CSF1: variants seen among roughly 807,000 people sequenced by gnomAD.
CSF1 encodes colony stimulating factor 1.
A neutral mutation model predicts 48.9 loss-of-function variants in CSF1; 9 were observed. The observed-to-expected ratio is 0.18, with a 90% CI of 0.11 to 0.32. CSF1 has a LOEUF of 0.32. Ranked by LOEUF, CSF1 falls within the 10% of genes least tolerant of loss-of-function variation. The pLI is 1.00. For synonymous variants in CSF1, 305 were observed against 284.1 expected (o/e 1.07, Z -0.74); for missense variants, 672 against 697.9 (o/e 0.96, Z 0.42).
In CSF1 at chr1:109,911,682, C is replaced by T. The variant is rs576204400; in HGVS notation, c.39+620C>T. The stretch of plus-strand genomic sequence containing the variant: ...CGGCAACAGCCGGCAAACAGCCCCC[C>T]ACCCCCGGGGCTGCTTGGGGCTAGC... On this transcript the variant is annotated intron_variant, in intron 1 of 8. Transcript: ENST00000329608. Among the ~76,000 whole-genome samples, 6 of 152,328 alleles carry T rather than the reference C, an allele frequency of 3.9e-5. No homozygotes were observed. In the South Asian group the frequency reaches 1.2e-3, roughly 32 times the overall value.
chr1:109,911,116 G>A, intron 1 of CSF1, 54 bp downstream of exon 1: 1 of 981,340 alleles, frequency 1.0e-6, no homozygotes, highest in Non-Finnish European at 1.2e-6. Flanking sequence ...GGGGCTCGGC[G>A]GCCAGGCGGC....
At chr1:109,912,872 G>A (rs1428533941) in intron 1 of CSF1, among the ~76,000 whole-genome samples, 4 of 150,432 alleles carry the variant, frequency 2.7e-5, no homozygotes, top group Non-Finnish European at 4.4e-5. Flanking sequence ...CGTGACTGCC[G>A]TCCCCCTCTT....
At chr1:109,913,447 A>C (rs1654773591) in intron 1 of CSF1, among the ~76,000 whole-genome samples, 2 of 152,168 alleles carry the variant, frequency 1.3e-5, no homozygotes, top group Admixed American at 6.5e-5. Flanking sequence ...AAGGAAGGGG[A>C]AAGACAGGGC....
rs559502756 is a variant in CSF1, at chr1:109,919,722, G to A, written c.397-2125G>A. Among the ~76,000 whole-genome samples, 3 of 152,166 alleles carry A rather than the reference G, an allele frequency of 2.0e-5. No homozygotes were observed. In the South Asian group the frequency reaches 6.2e-4, roughly 32 times the overall value. On this transcript the variant is annotated intron_variant, in intron 4 of 8. Transcript: ENST00000329608. ...TGCCTCTAATCCTGGCACTTTGGGAGGCCGAGACAGTGGATCACCTGAGGT... is the reference window on the plus strand; with the variant it reads ...TGCCTCTAATCCTGGCACTTTGGGAAGCCGAGACAGTGGATCACCTGAGGT...
chr1:109,916,409 A>G (rs1392438909), intron 3 of CSF1, among the ~76,000 whole-genome samples: 1 of 152,142 alleles, frequency 6.6e-6, no homozygotes, highest in Non-Finnish European at 1.5e-5. Context: ...TCACTCCAGA[A>G]GAAAGCCAAG....
At chr1:109,917,557 C>T in intron 4 of CSF1, 94 bp downstream of exon 4, 1 of 1,243,770 alleles carries the variant, frequency 8.0e-7, no homozygotes, top group Non-Finnish European at 1.1e-6. Flanking sequence ...ATTCGCTCAC[C>T]TCGCCTCACG....
upstream of CSF1, chr1:109,910,755 G>GTA (rs537880358): frequency 2.3e-4 from 50 of 219,382 alleles, no homozygotes; most frequent in East Asian, 3.1e-3. Flanking sequence ...GTGTGTGTGT[G>GTA]TATGTGTGTG....
chr1:109,912,006 G>A (rs1311687215), intron 1 of CSF1, among the ~76,000 whole-genome samples: 1 of 152,034 alleles, frequency 6.6e-6, no homozygotes, highest in Non-Finnish European at 1.5e-5. Context: ...AACCTGGGGG[G>A]AAAAGAGCAG....
At position 109,917,282 on chromosome 1, in the gene CSF1, C is replaced by T; in HGVS notation, c.226-11C>T. ...TGGCCAGGCCATAAGCTCCAGGTTCCTGTTTTTCAGAAAGATCCAGTGTGC... is the reference window on the plus strand; with the variant it reads ...TGGCCAGGCCATAAGCTCCAGGTTCTTGTTTTTCAGAAAGATCCAGTGTGC... On this transcript the variant is annotated splice_polypyrimidine_tract_variant and intron_variant, in intron 3 of 8. Transcript: ENST00000329608. 1 of 1,612,316 alleles carries T rather than the reference C, an allele frequency of 6.2e-7. No homozygotes were observed. Among genetic ancestry groups the T allele is most frequent in the Non-Finnish European group, 8.5e-7 (1 of 1,179,000 alleles).
chr1:109,910,513 C>T, upstream of CSF1: 1 of 403,438 alleles, frequency 2.5e-6, no homozygotes, highest in Non-Finnish European at 5.2e-6. Context: ...ACTGAATCAG[C>T]CTGGAGAGCG....
At chr1:109,911,661 A>G (rs1185260212) in intron 1 of CSF1, among the ~76,000 whole-genome samples, 2 of 152,210 alleles carry the variant, frequency 1.3e-5, no homozygotes, top group Non-Finnish European at 2.9e-5. Flanking sequence ...GGGGGACGGC[A>G]ACAGCCGGCA....
chr1:109,922,041 G>C, intron 5 of CSF1, 47 bp downstream of exon 5: 1 of 1,538,582 alleles, frequency 6.5e-7, no homozygotes, highest in African/African-American at 1.4e-5. Flanking sequence ...GTAGCATATG[G>C]AATGGGGATT....
rs746937767 is a variant in CSF1, at chr1:109,924,730, C to G, written c.1570-46C>G. On this transcript the variant is annotated intron_variant, in intron 6 of 8. Coordinates refer to ENST00000329608, the MANE Select transcript of CSF1 (RefSeq NM_000757.6). ...TTACTGGGGATGGGCCACCGCCCCC[C>G]CACACTCCCCCAGCTCCTCAGTGAG... 3.8e-5 allele frequency: 59 copies of G among 1,542,086 alleles called. No individual in the cohort carries two copies. The South Asian group carries it at 6.1e-4, about 16-fold the overall frequency.
Position 109,923,737 on chromosome 1 carries a change from C to G in CSF1, c.1116C>G (p.Pro372=). ...GTACCGCCTTGCCCAGGGTGGGCCC[C>G]GTGAGGCCCACTGGCCAGGACTGGA... ...VTGTALPRVG[P]VRPTGQDWNH... Residue 372 remains proline (P), a synonymous_variant, in exon 6 of 9, where the codon CCC becomes CCG. Coordinates refer to ENST00000329608, the MANE Select transcript of CSF1 (RefSeq NM_000757.6). 2 of 1,611,334 alleles carry G rather than the reference C, an allele frequency of 1.2e-6. No individual in the cohort carries two copies. The highest frequency in any genetic ancestry group is 1.7e-6 in the Non-Finnish European group (2 of 1,178,558).
At chr1:109,911,095 GGGCTGGGGC>G in intron 1 of CSF1, 33 bp downstream of exon 1, 1 of 1,022,170 alleles carries the variant, frequency 9.8e-7, no homozygotes, top group Non-Finnish European at 1.2e-6. Flanking sequence ...GGCCCGGGAC[GGGCTGGGGC>G]GGGGGCTCGG....
chr1:109,915,769 C>A, intron 3 of CSF1, 73 bp downstream of exon 3: 2 of 1,284,866 alleles, frequency 1.6e-6, no homozygotes, highest in Non-Finnish European at 2.3e-6. Flanking sequence ...TGTGGGGGAG[C>A]ATGAAAGCGG....
At chr1:109,915,562 G>A (rs956274385) in intron 2 of CSF1, 72 bp from the exon 3 acceptor site, 12 of 1,341,970 alleles carry the variant, frequency 8.9e-6, no homozygotes, top group East Asian at 4.6e-5. Context: ...TAAGGTCCCC[G>A]TTTTGAAGAA....
chr1:109,917,267 A>T, intron 3 of CSF1, 26 bp from the exon 4 acceptor site: 1 of 1,609,232 alleles, frequency 6.2e-7, no homozygotes, highest in Non-Finnish European at 8.5e-7. Context: ...TGGCCAGGCC[A>T]TAAGCTCCAG....
intron 1 of CSF1, 38 bp from the exon 2 acceptor site, chr1:109,914,221 G>C: frequency 6.4e-7 from 1 of 1,566,706 alleles, no homozygotes; most frequent in Non-Finnish European, 8.7e-7. Context: ...ACTGGGGAGA[G>C]TGAGACCTGG....
Sources: gnomAD v4.1 joint callset for allele counts (sites outside exome capture counted in the v4.1 genomes callset) on GRCh38, gnomAD v4.1.1 for gene constraint, MANE v1.5 for transcripts, NCBI Gene and HGNC (gene_info 2026-07-23, HGNC 2026-07-21) for gene names.